Variants in CACNA2D2 observed in about 807,000 individuals in gnomAD.
CACNA2D2 encodes voltage-dependent calcium channel subunit alpha-2/delta-2.
CACNA2D2 carries 48 observed loss-of-function variants against 166.4 expected under a neutral mutation model. That is an observed-to-expected ratio of 0.29 (90% CI 0.23 to 0.37). The LOEUF (loss-of-function observed/expected upper bound fraction) is 0.37. Among genes scored for constraint, CACNA2D2 ranks in the 10% least tolerant of loss-of-function variants. CACNA2D2 has a pLI of 1.00. For synonymous variants in CACNA2D2, 561 were observed against 573.7 expected (o/e 0.98, Z 0.32); for missense variants, 1,122 against 1,433.0 (o/e 0.78, Z 3.50).
chr3:50,486,442 T>C (rs776038279), intron 1 of CACNA2D2, among the ~76,000 whole-genome samples: 3 of 151,464 alleles, frequency 2.0e-5, no homozygotes, highest in Non-Finnish European at 4.4e-5. Flanking sequence ...AAGCCACAAA[T>C]AGCTGTCCTC....
At chr3:50,473,699 TG>T (rs762431926) in intron 2 of CACNA2D2, among the ~76,000 whole-genome samples, 3 of 152,136 alleles carry the variant, frequency 2.0e-5, no homozygotes, top group Non-Finnish European at 2.9e-5. Context: ...AGGGGTGAGT[TG>T]TGGAGGGCTA....
intron 2 of CACNA2D2, among the ~76,000 whole-genome samples, chr3:50,465,287 G>A (rs536144519): frequency 6.6e-6 from 1 of 152,358 alleles, no homozygotes; most frequent in South Asian, 2.1e-4. Flanking sequence ...TCCCTGGTGT[G>A]AAAGTCCGTC....
intron 1 of CACNA2D2, among the ~76,000 whole-genome samples, chr3:50,502,838 A>G (rs1047567091): frequency 6.6e-6 from 1 of 151,742 alleles, no homozygotes; most frequent in African/African-American, 2.4e-5. Context: ...CGCGGCTCCA[A>G]CTCCGCCGGA....
intron 3 of CACNA2D2, among the ~76,000 whole-genome samples, chr3:50,400,406 G>A (rs1706389746): frequency 6.6e-6 from 1 of 152,250 alleles, no homozygotes; most frequent in African/African-American, 2.4e-5. Flanking sequence ...GGCACCACTC[G>A]TGGTCTGAGG....
Position 50,366,634 on chromosome 3 carries a change from C to T in CACNA2D2, c.2590-9G>A. 1 of 1,613,830 alleles carries T rather than the reference C, an allele frequency of 6.2e-7. No homozygotes were observed. The highest frequency in any genetic ancestry group is 8.5e-7 in the Non-Finnish European group (1 of 1,179,990). The stretch of plus-strand genomic sequence containing the variant: ...TGGCTGTTGGGGCCGCACTGCTGGG[C>T]AGAGAGTGAGGACCGTAAGCCACCC... On this transcript the variant is annotated splice_polypyrimidine_tract_variant and intron_variant, in intron 29 of 37. Transcript: ENST00000424201. The surrounding 1 kb of genome is among the most constrained non-coding windows in gnomAD (Gnocchi z 5.9).
chr3:50,377,119 C>G (rs587765700), intron 17 of CACNA2D2, among the ~76,000 whole-genome samples: 1 of 152,326 alleles, frequency 6.6e-6, no homozygotes, highest in Non-Finnish European at 1.5e-5. Flanking sequence ...TGAAAATTAT[C>G]TGAAATTCAA....
At chr3:50,484,589 C>T (rs1698196920) in intron 1 of CACNA2D2, among the ~76,000 whole-genome samples, 1 of 152,200 alleles carries the variant, frequency 6.6e-6, no homozygotes. Flanking sequence ...AAGGGCCTCC[C>T]ACCTCCCTCC....
In CACNA2D2 at chr3:50,381,127, CTG is replaced by C; in HGVS notation, c.653-3_653-2del. On this transcript the variant is annotated splice_acceptor_variant and splice_polypyrimidine_tract_variant and intron_variant, in intron 6 of 37. Coordinates refer to ENST00000424201, the MANE Select transcript of CACNA2D2 (RefSeq NM_006030.4). LOFTEE classifies it high-confidence loss of function. ...TTGAGCTCATTGAGGATGACAGTGGCTGGGGGGAAGCGGGGAGCTGGGGTGGG... is the reference window on the plus strand; with the variant it reads ...TTGAGCTCATTGAGGATGACAGTGGCGGGGGAAGCGGGGAGCTGGGGTGGG... 1 of 1,600,550 alleles carries C rather than the reference CTG, an allele frequency of 6.2e-7. No individual in the cohort carries two copies. The highest frequency in any genetic ancestry group is 8.5e-7 in the Non-Finnish European group (1 of 1,172,902).
At chr3:50,422,726 G>T (rs1485659453) in intron 3 of CACNA2D2, among the ~76,000 whole-genome samples, 2 of 152,224 alleles carry the variant, frequency 1.3e-5, no homozygotes, top group African/African-American at 4.8e-5. Flanking sequence ...CACTGGCAAA[G>T]GCCACAAGGC....
chr3:50,474,743 A>G (rs927946988), intron 2 of CACNA2D2, among the ~76,000 whole-genome samples: 17 of 152,194 alleles, frequency 1.1e-4, no homozygotes, highest in Non-Finnish European at 4.4e-5. Context: ...ATTAGCCCAC[A>G]CAGCTATCCT....
intron 2 of CACNA2D2, among the ~76,000 whole-genome samples, chr3:50,469,272 C>T (rs1709962913): frequency 6.6e-6 from 1 of 152,172 alleles, no homozygotes; most frequent in South Asian, 2.1e-4. Context: ...AGCATCTCTG[C>T]AGCTAGCTCC....
intron 2 of CACNA2D2, among the ~76,000 whole-genome samples, chr3:50,449,252 C>T (rs1221378153): frequency 6.6e-6 from 1 of 152,212 alleles, no homozygotes. Flanking sequence ...TGTGATCCAA[C>T]CCTGGACCTA....
At chr3:50,374,677 C>T in intron 22 of CACNA2D2, 60 bp downstream of exon 22, 2 of 1,541,750 alleles carry the variant, frequency 1.3e-6, no homozygotes, top group East Asian at 2.4e-5. Flanking sequence ...CTGCCTGGGG[C>T]CGGCCAGGGT....
At chr3:50,391,401 T>C (rs1044042251) in intron 4 of CACNA2D2, among the ~76,000 whole-genome samples, 3 of 152,338 alleles carry the variant, frequency 2.0e-5, no homozygotes, top group Non-Finnish European at 4.4e-5. Context: ...AGTGTTGGCA[T>C]AGTGTGGTGC....
intron 3 of CACNA2D2, among the ~76,000 whole-genome samples, chr3:50,412,651 T>A (rs1460128635): frequency 6.6e-6 from 1 of 152,180 alleles, no homozygotes; most frequent in African/African-American, 2.4e-5. Flanking sequence ...GGAGGCTTGA[T>A]GCAGCTGCTG....
intron 2 of CACNA2D2, among the ~76,000 whole-genome samples, chr3:50,462,737 T>C (rs1709647959): frequency 6.6e-6 from 1 of 152,000 alleles, no homozygotes; most frequent in African/African-American, 2.4e-5. Context: ...GATTAGAAAG[T>C]GACAGCCTCT....
intron 5 of CACNA2D2, among the ~76,000 whole-genome samples, chr3:50,387,189 A>C (rs1705650188): frequency 6.6e-6 from 1 of 152,036 alleles, no homozygotes; most frequent in Admixed American, 6.5e-5. Flanking sequence ...CTGACCTGGA[A>C]ATGCACCTGG....
intron 2 of CACNA2D2, among the ~76,000 whole-genome samples, chr3:50,461,626 C>T (rs1005635107): frequency 2.6e-5 from 4 of 151,284 alleles, no homozygotes; most frequent in East Asian, 1.9e-4. Flanking sequence ...CTGGGCGTGG[C>T]GGCGCAGATC....
Position 50,376,006 on chromosome 3 carries a change from A to C in CACNA2D2, c.1730T>G (p.Leu577Arg). 6.2e-7 allele frequency: 1 copy of C among 1,613,376 alleles called. No homozygotes were observed. Among genetic ancestry groups the C allele is most frequent in the Non-Finnish European group, 8.5e-7 (1 of 1,179,980 alleles). The change falls in exon 19 of 38, where the codon CTG becomes CGG. Residue 577 changes from leucine to arginine, a missense_variant. By Grantham distance (102) the Leu-to-Arg change is moderately radical (BLOSUM62 -2). This residue lies in a region of CACNA2D2 where 840 missense variants were observed against 1,166.8 expected (regional missense o/e 0.72). Coordinates refer to ENST00000424201, the MANE Select transcript of CACNA2D2 (RefSeq NM_006030.4). This position sits in a 1 kb window ranked among gnomAD's most constrained non-coding sequence, Gnocchi z 4.3. ...CTCTAGCTCCGCATCCAGGAAGTCC[A>C]GAGTCACAGGCTCCCGGAAGTTGGT... The part of the protein sequence containing the change: ...QTTNFREPVT[L>R]DFLDAELEDE...
Sources: gnomAD v4.1 joint callset for allele counts (sites outside exome capture counted in the v4.1 genomes callset) on GRCh38, gnomAD v4.1.1 for gene constraint, gnomAD v4.1.1 regional missense constraint, Gnocchi (gnomAD v3.1) non-coding constraint, MANE v1.5 for transcripts, NCBI Gene and HGNC (gene_info 2026-07-23, HGNC 2026-07-21) for gene names.